TMEM163: variants seen among roughly 807,000 people sequenced by gnomAD.
TMEM163 encodes transmembrane protein 163.
A neutral mutation model predicts 29.3 loss-of-function variants in TMEM163; 17 were observed. The observed-to-expected ratio is 0.58, with a 90% CI of 0.40 to 0.87. The LOEUF (loss-of-function observed/expected upper bound fraction) is 0.87. TMEM163 is among the 40% of genes least tolerant of loss of function. The pLI, the probability that TMEM163 is intolerant of heterozygous loss-of-function variation, is 0.00. For missense variants in TMEM163, 303 were observed against 381.5 expected (o/e 0.79, Z 1.71); for synonymous variants, 157 against 160.6 (o/e 0.98, Z 0.17).
At chr2:134,615,171 C>T (rs1227555420) in intron 2 of TMEM163, among the ~76,000 whole-genome samples, 2 of 152,138 alleles carry the variant, frequency 1.3e-5, no homozygotes, top group Non-Finnish European at 1.5e-5. Flanking sequence ...AATGTACTAA[C>T]TTGTTATAAC....
chr2:134,556,994 G>T (rs1188264771), intron 2 of TMEM163, among the ~76,000 whole-genome samples: 1 of 152,164 alleles, frequency 6.6e-6, no homozygotes, highest in Non-Finnish European at 1.5e-5. Flanking sequence ...CAAACTGAAT[G>T]GGAAGATCAG....
intron 2 of TMEM163, among the ~76,000 whole-genome samples, chr2:134,579,984 CA>C (rs748917707): frequency 2.6e-5 from 4 of 151,994 alleles, no homozygotes; most frequent in Non-Finnish European, 5.9e-5. Context: ...TGACAAGAAA[CA>C]AAAAGTACCT....
At chr2:134,458,437 T>C (rs1574145595) in intron 6 of TMEM163, 2 of 470,106 alleles carry the variant, frequency 4.3e-6, no homozygotes, top group Non-Finnish European at 7.8e-6. Context: ...ATGTGGTTTA[T>C]AGCTGGTCTC....
Position 134,656,091 on chromosome 2 carries a change from T to A in TMEM163, c.322+57109A>T, listed in dbSNP as rs4328685. Among the ~76,000 whole-genome samples the A allele has an allele frequency of 8.8e-5, 12 of 136,490 alleles. 1 individual carries two copies. Among genetic ancestry groups the A allele is most frequent in the South Asian group, 2.3e-4 (1 of 4,272 alleles). 89.5% of individuals were successfully genotyped at this position (136,490 alleles called of 152,430 possible). A position where few individuals can be genotyped will look rare whatever the true frequency, so the allele number is the denominator to read the frequency against. Reference sequence around the variant, plus strand: ...TGGGCTCCACCCAGTTCGAGCTTCCTGGCTGCTTTGTTTACCTAAGCAAGC... The same window carrying A: ...TGGGCTCCACCCAGTTCGAGCTTCCAGGCTGCTTTGTTTACCTAAGCAAGC... On this transcript the variant is annotated intron_variant, in intron 2 of 7. Coordinates refer to ENST00000281924, the MANE Select transcript of TMEM163 (RefSeq NM_030923.5).
intron 6 of TMEM163, among the ~76,000 whole-genome samples, chr2:134,461,850 C>T (rs1005992706): frequency 2.0e-5 from 3 of 152,246 alleles, no homozygotes; most frequent in African/African-American, 7.2e-5. Flanking sequence ...ATGCTTGGCT[C>T]TGCCACAGCC....
At chr2:134,709,868 T>C in intron 2 of TMEM163, among the ~76,000 whole-genome samples, 1 of 152,268 alleles carries the variant, frequency 6.6e-6, no homozygotes, top group East Asian at 1.9e-4. Context: ...GTCTGCTACC[T>C]GGAGGCTTCA....
intron 2 of TMEM163, among the ~76,000 whole-genome samples, chr2:134,558,400 A>G (rs1383959745): frequency 6.6e-6 from 1 of 152,230 alleles, no homozygotes; most frequent in Non-Finnish European, 1.5e-5. Flanking sequence ...CACACACAAC[A>G]GAAGTCTAAA....
chr2:134,547,985 C>T (rs1009666544), intron 4 of TMEM163, among the ~76,000 whole-genome samples: 6 of 151,914 alleles, frequency 3.9e-5, no homozygotes, highest in Admixed American at 6.6e-5. Flanking sequence ...CTAACATGTA[C>T]GAAACTCATT....
intron 2 of TMEM163, among the ~76,000 whole-genome samples, chr2:134,660,598 AG>A (rs1683726197): frequency 1.3e-5 from 2 of 152,182 alleles, no homozygotes; most frequent in South Asian, 4.1e-4. Context: ...CCCCTGTAGG[AG>A]GTACAGATTT....
chr2:134,690,995 G>A (rs1037636958), intron 2 of TMEM163, among the ~76,000 whole-genome samples: 3 of 152,130 alleles, frequency 2.0e-5, no homozygotes, highest in African/African-American at 4.8e-5. Flanking sequence ...GTGACAAAAC[G>A]GAGGAGATCA....
At chr2:134,645,658 A>G (rs558189110) in intron 2 of TMEM163, among the ~76,000 whole-genome samples, 1 of 152,370 alleles carries the variant, frequency 6.6e-6, no homozygotes, top group African/African-American at 2.4e-5. Context: ...CAAACTATTG[A>G]TATACACAAT....
At chr2:134,695,162 C>T (rs1291838555) in intron 2 of TMEM163, among the ~76,000 whole-genome samples, 2 of 152,128 alleles carry the variant, frequency 1.3e-5, no homozygotes, top group Non-Finnish European at 2.9e-5. Context: ...CTGCAACCTC[C>T]GCCTCCCGGA....
At chr2:134,589,266 T>C (rs1681888559) in intron 2 of TMEM163, among the ~76,000 whole-genome samples, 2 of 152,234 alleles carry the variant, frequency 1.3e-5, no homozygotes, top group South Asian at 4.2e-4. Flanking sequence ...CCAGAGCAAC[T>C]CCATCTTGAA....
chr2:134,519,256 T>C (rs1319044804), intron 4 of TMEM163, among the ~76,000 whole-genome samples: 2 of 152,198 alleles, frequency 1.3e-5, no homozygotes, highest in Non-Finnish European at 2.9e-5. Context: ...AATCACTACA[T>C]ATTTTGCCAT....
chr2:134,463,206 C>G (rs1014229187), intron 6 of TMEM163, among the ~76,000 whole-genome samples: 3 of 152,218 alleles, frequency 2.0e-5, no homozygotes, highest in African/African-American at 7.2e-5. Flanking sequence ...CAGGGCTGGG[C>G]CAGAGTGTGG....
chr2:134,599,133 T>A (rs1157372764), intron 2 of TMEM163, among the ~76,000 whole-genome samples: 2 of 151,706 alleles, frequency 1.3e-5, no homozygotes, highest in Non-Finnish European at 2.9e-5. Flanking sequence ...CTTGCAAGTA[T>A]GTAGGTGTTG....
intron 2 of TMEM163, among the ~76,000 whole-genome samples, chr2:134,673,716 C>G (rs777983845): frequency 1.3e-5 from 2 of 152,060 alleles, no homozygotes; most frequent in African/African-American, 2.4e-5. Context: ...AGAGAGCCCA[C>G]GAGCTGAGGA....
rs369584583 is a variant in TMEM163 at position 134,648,304 on chromosome 2, C to CCTCTCCTCTTCTCTT, written c.322+64895_322+64896insAAGAGAAGAGGAGAG. ...TAGTCTCTGGCATCTCACTGCTTCT[C>CCTCTCCTCTTCTCTT]CTCTTCTCTTCTCTTCTCTTCTCTT... is the stretch of plus-strand genomic sequence containing the variant. On this transcript the variant is annotated intron_variant, in intron 2 of 7. Coordinates refer to ENST00000281924, the MANE Select transcript of TMEM163 (RefSeq NM_030923.5). 8.3e-3 allele frequency among the ~76,000 whole-genome samples: 1,189 copies of CCTCTCCTCTTCTCTT among 143,200 alleles called. 31 individuals carry two copies. The highest frequency in any genetic ancestry group is 0.03 in the African/African-American group (1,114 of 36,928). The allele number at this position is 143,200 out of a possible 152,430, so 93.9% of individuals were successfully genotyped here. A position where few individuals can be genotyped will look rare whatever the true frequency, so the allele number is the denominator to read the frequency against.
chr2:134,471,411 G>GA (rs1686798071), intron 5 of TMEM163, among the ~76,000 whole-genome samples: 9 of 152,176 alleles, frequency 5.9e-5, no homozygotes, highest in Admixed American at 5.9e-4. Flanking sequence ...GCCACATGAG[G>GA]ACACATGAGG....
Sources: gnomAD v4.1 joint callset for allele counts (sites outside exome capture counted in the v4.1 genomes callset) on GRCh38, gnomAD v4.1.1 for gene constraint, MANE v1.5 for transcripts, NCBI Gene and HGNC (gene_info 2026-07-23, HGNC 2026-07-21) for gene names.